The following TTN variants were observed in gnomAD, a reference collection of about 807,000 sequenced individuals.
TTN encodes the protein titin.
TTN carries 1,525 observed loss-of-function variants against 3,223.0 expected under a neutral mutation model. The observed-to-expected ratio is 0.47, with a 90% confidence interval of 0.45 to 0.49. The LOEUF is 0.49. TTN is among the 20% of genes least tolerant of loss of function. TTN has a pLI of 0.00. For missense variants in TTN, 40,786 were observed against 43,424.0 expected, an observed-to-expected ratio of 0.94 and a Z score of 5.40; for synonymous variants, 14,094 against 15,161.0, an observed-to-expected ratio of 0.93 and a Z score of 5.17.
chr2:178,779,795 C>T (rs555961606), intron 22 of TTN: 1 of 583,398 alleles, frequency 1.7e-6, no homozygotes, highest in East Asian at 2.9e-5. Flanking sequence ...TTTTTAAAGT[C>T]ACATTTATGG....
chr2:178,647,724 CTGAG>C (rs2154246343), intron 213 of TTN, among the ~76,000 whole-genome samples: 1 of 152,246 alleles, frequency 6.6e-6, no homozygotes, highest in South Asian at 2.1e-4. Context: ...TCTACATTTT[CTGAG>C]TAATTGTTCC....
chr2:178,765,521 G>A (rs147158227), intron 41 of TTN, among the ~76,000 whole-genome samples: 1 of 152,272 alleles, frequency 6.6e-6, no homozygotes, highest in African/African-American at 2.4e-5. Flanking sequence ...CTGTGCCTCA[G>A]TTTCTCCACT....
chr2:178,545,360 G>A (rs1288367705), intron 344 of TTN, 28 bp downstream of exon 344: 2 of 1,517,524 alleles, frequency 1.3e-6, no homozygotes, highest in Non-Finnish European at 1.8e-6. Flanking sequence ...GAGGAGCATT[G>A]TATTTATGTA....
At position 178,774,033 on chromosome 2, in the gene TTN, C is replaced by G; in HGVS notation, c.7135G>C (p.Val2379Leu). The change falls in exon 31 of 363, where the codon GTC (valine) becomes CTC (leucine). Residue 2379 changes from valine to leucine, a missense_variant. Coordinates refer to ENST00000589042, the MANE Select transcript of TTN (RefSeq NM_001267550.2). ...ACGCCTTCCACACTTTCCAAGGAGA[C>G]TTTAACTTCAAGCTGAACAATGTCA... ...EGDIVQLEVK[V>L]SLESVEGVWM... The G allele has an allele frequency of 3.7e-6, 6 of 1,614,100 alleles. No homozygotes were observed. Among genetic ancestry groups the G allele is most frequent in the Non-Finnish European group, 5.1e-6 (6 of 1,179,994 alleles).
In TTN at chr2:178,589,866, G is replaced by GC; in HGVS notation, c.61858dup (p.Ala20620GlyfsTer6). Reference sequence around the variant, plus strand: ...GATTAATCGTTTAGTGACATCTGATGCAACAATTGACCAGCCTTTCTGGTT... The same window carrying GC: ...GATTAATCGTTTAGTGACATCTGATGCCAACAATTGACCAGCCTTTCTGGTT... On this transcript the variant is annotated frameshift_variant, in exon 304 of 363. Transcript: ENST00000589042. LOFTEE classifies it high-confidence loss of function. 1 of 1,613,424 alleles carries GC rather than the reference G, an allele frequency of 6.2e-7. No homozygotes were observed. Among genetic ancestry groups the GC allele is most frequent in the Non-Finnish European group, 8.5e-7 (1 of 1,179,586 alleles).
In TTN at chr2:178,770,451, G is replaced by A. The variant is rs759448192; in HGVS notation, c.8341C>T (p.Leu2781Phe). ...IVDESVYGFR[L>F]GRLGASARLH... The stretch of plus-strand genomic sequence containing the variant: ...CTGGCACTGGCTCCAAGCCTTCCAA[G>A]CCTGAAGCCATAAACAGACTCATCC... The change falls in exon 35 of 363, where the codon CTT (leucine) becomes TTT (phenylalanine). Residue 2781 changes from leucine to phenylalanine, a missense_variant. Leu to Phe is a conservative substitution (Grantham distance 22, BLOSUM62 0). Transcript: ENST00000589042. The A allele has an allele frequency of 3.2e-5, 51 of 1,614,002 alleles. 2 individuals are homozygous for A. The South Asian group carries it at 5.1e-4, about 16-fold the overall frequency.
rs1258679826 is a variant in TTN at position 178,593,708 on chromosome 2, G to C, written c.58592C>G (p.Thr19531Arg). Residue 19531 changes from threonine (T) to arginine (R), a missense_variant, in exon 298 of 363, where the codon ACA (threonine) becomes AGA (arginine). Coordinates refer to ENST00000589042, the MANE Select transcript of TTN (RefSeq NM_001267550.2). ...GCATGTTGTTTTAGCACTTGCAGAT[G>C]TCACTGGCATCCAGACGTCTTTACC... is the stretch of plus-strand genomic sequence containing the variant. ...EVGKDVWMPV[T>R]SASAKTTCKV... is the part of the protein sequence containing the mutation. 6.2e-7 allele frequency: 1 copy of C among 1,613,308 alleles called. No homozygotes were observed.
chr2:178,712,290 A>C, intron 95 of TTN, 25 bp downstream of exon 95: 1 of 1,609,788 alleles, frequency 6.2e-7, no homozygotes, highest in Non-Finnish European at 8.5e-7. Flanking sequence ...GTATACAAAG[A>C]TAAAAATGTG....
At position 178,611,104 on chromosome 2, in the gene TTN, A is replaced by G; in HGVS notation, c.51025T>C (p.Ser17009Pro). The G allele has an allele frequency of 1.9e-6, 3 of 1,612,846 alleles. No homozygotes were observed. Among genetic ancestry groups the G allele is most frequent in the Non-Finnish European group, 2.5e-6 (3 of 1,179,234 alleles). The change falls in exon 270 of 363, where the codon TCT (serine) becomes CCT (proline). Residue 17009 changes from serine to proline, a missense_variant. Transcript: ENST00000589042. ...DRLTMKNDHI[S>P]AHLEVPKSVR... ...CTCTTGGGAACTTCAAGGTGTGCAG[A>G]GATGTGATCATTCTTCATTGTTAAT... is the stretch of plus-strand genomic sequence containing the variant.
In TTN at chr2:178,533,875, C is replaced by T; in HGVS notation, c.102740G>A (p.Arg34247Lys). ...CRRTMKKIKR[R>K]TDTMRLLERP... ...TTCCAGGAGTCTCATTGTGTCTGTT[C>T]TGCGCTTAATTTTCTTCATGGTTCT... The change falls in exon 358 of 363, where the codon AGA becomes AAA. Residue 34247 changes from arginine (R) to lysine (K), a missense_variant. Transcript: ENST00000589042. 6.2e-7 allele frequency: 1 copy of T among 1,613,856 alleles called. No individual in the cohort carries two copies. Among genetic ancestry groups the T allele is most frequent in the Non-Finnish European group, 8.5e-7 (1 of 1,179,858 alleles).
chr2:178,795,140 G>C lies in TTN; in HGVS notation c.1027C>G (p.Pro343Ala). ...STVATGPEVPPPWKQEGYVAS... is the reference protein window; with the variant it reads ...STVATGPEVPAPWKQEGYVAS... Reference sequence around the variant, plus strand: ...ACGTAGCCCTCTTGCTTCCAAGGGGGAGGCACTTCAGGACCTGTGGCCACG... The same window carrying C: ...ACGTAGCCCTCTTGCTTCCAAGGGGCAGGCACTTCAGGACCTGTGGCCACG... Residue 343 changes from proline (P) to alanine (A), a missense_variant, in exon 7 of 363, where the codon CCC (proline) becomes GCC (alanine). Transcript: ENST00000589042. 1 of 1,614,154 alleles carries C rather than the reference G, an allele frequency of 6.2e-7. No homozygotes were observed. The highest frequency in any genetic ancestry group is 8.5e-7 in the Non-Finnish European group (1 of 1,180,020).
chr2:178,550,350 C>T (rs1698873936), intron 336 of TTN, 77 bp from the exon 337 acceptor site: 2 of 1,238,132 alleles, frequency 1.6e-6, no homozygotes, highest in South Asian at 1.6e-5. Flanking sequence ...TTCAGTAGTG[C>T]CATATCACAA....
In TTN at chr2:178,601,048, A is replaced by G. The variant is rs1375513422; in HGVS notation, c.55856T>C (p.Leu18619Pro). 1 of 1,612,806 alleles carries G rather than the reference A, an allele frequency of 6.2e-7. No individual in the cohort carries two copies. Among genetic ancestry groups the G allele is most frequent in the Non-Finnish European group, 8.5e-7 (1 of 1,179,348 alleles). Residue 18619 changes from leucine (L) to proline (P), a missense_variant, in exon 288 of 363, where the codon CTT becomes CCT. By Grantham distance (98) the Leu-to-Pro change is moderately conservative. Transcript: ENST00000589042. ...CTTTGTCCCAGTAGGGTCCCATGCA[A>G]GGCACTCAACAATATAGTGGGTAAC... ...SPVTHYIVEC[L>P]AWDPTGTKKE...
In TTN at chr2:178,767,906, C is replaced by A. The variant is rs756206178; in HGVS notation, c.9324G>T (p.Glu3108Asp). Residue 3108 changes from glutamate to aspartate, a missense_variant, in exon 40 of 363, where the codon GAG (glutamate) becomes GAT (aspartate). Glu to Asp is a conservative substitution (Grantham distance 45). Transcript: ENST00000589042. ...QITDRIKIQK[E>D]KYVHRLLIPS... The stretch of plus-strand genomic sequence containing the variant: ...GGATCAGAAGGCGGTGGACATATTT[C>A]TCCTTCTGAATCTTTATTCTATGGA... 8.7e-6 allele frequency: 14 copies of A among 1,613,980 alleles called. No homozygotes were observed. The African/African-American group carries it at 1.9e-4, about 22-fold the overall frequency.
At position 178,537,633 on chromosome 2, in the gene TTN, C is replaced by G. The variant is rs1422722775; in HGVS notation, c.99574G>C (p.Ala33192Pro). ...TAACCAGGATGGAACTGCGGTGTTG[C>G]TTGCAGGAGAAGCTTACTACTGGTT... Reference protein sequence around the residue: ...VETSSKLLLQATPQFHPGYPL... With the variant: ...VETSSKLLLQPTPQFHPGYPL... Residue 33192 changes from alanine to proline, a missense_variant, in exon 355 of 363, where the codon GCA becomes CCA. Coordinates refer to ENST00000589042, the MANE Select transcript of TTN (RefSeq NM_001267550.2). The G allele has an allele frequency of 6.2e-7, 1 of 1,613,726 alleles. No individual in the cohort carries two copies. The highest frequency in any genetic ancestry group is 8.5e-7 in the Non-Finnish European group (1 of 1,179,722).
rs727504765 is a variant in TTN, at chr2:178,723,980, T to C, written c.21279A>G (p.Thr7093=). The change falls in exon 73 of 363, where the codon ACA becomes ACG. Residue 7093 remains threonine, a synonymous_variant. Transcript: ENST00000589042. The stretch of plus-strand genomic sequence containing the variant: ...GCAATGTGCAGACATTATCTGAAAA[T>C]GTGGTTTGGTACTTTGCTCCACTGA... ...KIVSGAKYQT[T]FSDNVCTLQL... 2.5e-6 allele frequency: 4 copies of C among 1,613,522 alleles called. No homozygotes were observed. In the Admixed American group the frequency reaches 5.0e-5, roughly 20 times the overall value.
At chr2:178,675,259 A>C (rs1443526694) in intron 149 of TTN, 146 bp from the exon 150 acceptor site, 1 of 513,758 alleles carries the variant, frequency 1.9e-6, no homozygotes, top group East Asian at 3.6e-5. Context: ...GAATCGGTTA[A>C]TGAGAAAAGA....
In TTN at chr2:178,567,549, T is replaced by C. The variant is rs369118365; in HGVS notation, c.78583A>G (p.Met26195Val). 24 of 1,609,918 alleles carry C rather than the reference T, an allele frequency of 1.5e-5. No homozygotes were observed. The highest frequency in any genetic ancestry group is 2.0e-5 in the Non-Finnish European group (23 of 1,177,954). ...ATTGTGTCTCTGAATTTTGGATCCA[T>C]TGAAATTCTTGGGAGTTCAACCTCA... is the stretch of plus-strand genomic sequence containing the variant. ...KDEVELPRIS[M>V]DPKFRDTIVV... is the part of the protein sequence containing the mutation. Residue 26195 changes from methionine (M) to valine (V), a missense_variant, in exon 326 of 363, where the codon ATG (methionine) becomes GTG (valine). Transcript: ENST00000589042.
chr2:178,554,582 C>G lies in TTN; in HGVS notation c.88765G>C (p.Glu29589Gln), dbSNP rs773486662. ...TTGGTGGTTGTAATGATGCACTCTT[C>G]CAAATGTTCAGACACCATAGACCAC... The part of the protein sequence containing the change: ...VVWSMVSEHL[E>Q]ECIITTTKII... The change falls in exon 332 of 363, where the codon GAA becomes CAA. Residue 29589 changes from glutamate to glutamine, a missense_variant. By Grantham distance (29) the Glu-to-Gln change is conservative. Coordinates refer to ENST00000589042, the MANE Select transcript of TTN (RefSeq NM_001267550.2). 1 of 1,613,886 alleles carries G rather than the reference C, an allele frequency of 6.2e-7. No homozygotes were observed. Among genetic ancestry groups the G allele is most frequent in the South Asian group, 1.1e-5 (1 of 91,082 alleles).
Sources: gnomAD v4.1 joint callset for allele counts (sites outside exome capture counted in the v4.1 genomes callset) on GRCh38, gnomAD v4.1.1 for gene constraint, MANE v1.5 for transcripts, NCBI Gene and HGNC (gene_info 2026-07-23, HGNC 2026-07-21) for gene names.